Variants in GRM1 observed in about 807,000 individuals in gnomAD.
GRM1 encodes the protein metabotropic glutamate receptor 1.
In GRM1, 33 loss-of-function variants were observed where a neutral mutation model predicts 90.9. The ratio of observed to expected loss-of-function variants is 0.36; its 90% confidence interval spans 0.28 to 0.49. The LOEUF (loss-of-function observed/expected upper bound fraction) is 0.49. Ranked by LOEUF, GRM1 falls within the 20% of genes least tolerant of loss-of-function variation. The pLI is 0.99. For synonymous variants in GRM1, 700 were observed against 613.2 expected, an observed-to-expected ratio of 1.14 and a Z score of -2.09; for missense variants, 1,190 against 1,534.3, an observed-to-expected ratio of 0.78 and a Z score of 3.75.
intron 1 of GRM1, among the ~76,000 whole-genome samples, chr6:146,072,489 A>T (rs9322046): frequency 6.6e-6 from 1 of 151,958 alleles, no homozygotes; most frequent in Non-Finnish European, 1.5e-5. Flanking sequence ...GCAAGATTCC[A>T]CATCAAAAGC....
chr6:146,377,962 C>A (rs1162286278), intron 5 of GRM1, among the ~76,000 whole-genome samples: 1 of 152,146 alleles, frequency 6.6e-6, no homozygotes, highest in East Asian at 1.9e-4. Context: ...CCCTGCATCC[C>A]AGCTGTGGCT....
chr6:146,276,285 A>C (rs548196762), intron 2 of GRM1, among the ~76,000 whole-genome samples: 2 of 152,294 alleles, frequency 1.3e-5, no homozygotes, highest in Admixed American at 1.3e-4. Context: ...TAGTAATATA[A>C]ATTTATCTCT....
chr6:146,201,455 C>G (rs1019600149), intron 2 of GRM1, among the ~76,000 whole-genome samples: 1 of 152,162 alleles, frequency 6.6e-6, no homozygotes, highest in Non-Finnish European at 1.5e-5. Context: ...AAGTGCCTGC[C>G]AATTTGGTGT....
At chr6:146,319,333 T>A (rs1039457844) in intron 3 of GRM1, among the ~76,000 whole-genome samples, 2 of 152,196 alleles carry the variant, frequency 1.3e-5, no homozygotes, top group African/African-American at 2.4e-5. Flanking sequence ...TTAATATATA[T>A]GTTTTGGTAC....
intron 2 of GRM1, among the ~76,000 whole-genome samples, chr6:146,239,640 A>G (rs961133630): frequency 1.3e-5 from 2 of 152,174 alleles, no homozygotes; most frequent in Admixed American, 1.3e-4. Context: ...AAACTGTTCA[A>G]TTTAAAAATC....
intron 1 of GRM1, among the ~76,000 whole-genome samples, chr6:146,039,297 C>T (rs773874246): frequency 6.6e-6 from 1 of 151,944 alleles, no homozygotes; most frequent in Non-Finnish European, 1.5e-5. Context: ...ATCTGAAGTT[C>T]ACTATATCCG....
intron 1 of GRM1, among the ~76,000 whole-genome samples, chr6:146,144,495 C>G (rs1777015996): frequency 1.3e-5 from 2 of 152,196 alleles, no homozygotes; most frequent in Admixed American, 6.5e-5. Flanking sequence ...CCACTAGCAA[C>G]AAGGCTCTTA....
intron 2 of GRM1, among the ~76,000 whole-genome samples, chr6:146,302,729 A>T (rs974754432): frequency 6.6e-6 from 1 of 151,902 alleles, no homozygotes; most frequent in Middle Eastern, 3.2e-3. Context: ...TGTTTTCCCC[A>T]CAAGGCTGTA....
chr6:146,274,252 T>A (rs1240652485), intron 2 of GRM1, among the ~76,000 whole-genome samples: 1 of 152,198 alleles, frequency 6.6e-6, no homozygotes, highest in African/African-American at 2.4e-5. Context: ...TCTACATAAT[T>A]TTATCTAAAT....
At chr6:146,287,019 C>T (rs1022095001) in intron 2 of GRM1, among the ~76,000 whole-genome samples, 35 of 152,144 alleles carry the variant, frequency 2.3e-4, no homozygotes, top group African/African-American at 8.2e-4. Flanking sequence ...TTAGTGTGGA[C>T]AGGCAATTCA....
intron 6 of GRM1, among the ~76,000 whole-genome samples, chr6:146,397,787 C>T (rs890264498): frequency 3.9e-5 from 6 of 152,150 alleles, no homozygotes; most frequent in Admixed American, 6.5e-5. Flanking sequence ...GCTTGGCATC[C>T]AAACACATGT....
intron 1 of GRM1, among the ~76,000 whole-genome samples, chr6:146,038,014 C>T (rs560962776): frequency 6.6e-6 from 1 of 151,944 alleles, no homozygotes. Context: ...AATAAAAGTC[C>T]TTTCGCAGAG....
intron 3 of GRM1, among the ~76,000 whole-genome samples, chr6:146,333,930 A>G (rs1384659172): frequency 6.6e-6 from 1 of 152,210 alleles, no homozygotes; most frequent in Non-Finnish European, 1.5e-5. Context: ...TGAAAAAAAT[A>G]AAATGGAGTT....
At chr6:146,357,852 C>T (rs1785649571) in intron 5 of GRM1, among the ~76,000 whole-genome samples, 158 bp downstream of exon 5, 1 of 152,090 alleles carries the variant, frequency 6.6e-6, no homozygotes, top group South Asian at 2.1e-4. Context: ...ACTGAAAAGA[C>T]AAAGATTAGG....
chr6:146,276,593 A>T (rs1266471730), intron 2 of GRM1, among the ~76,000 whole-genome samples: 1 of 152,180 alleles, frequency 6.6e-6, no homozygotes, highest in Non-Finnish European at 1.5e-5. Flanking sequence ...GACAAAGAAA[A>T]AAAATTAACA....
chr6:146,171,181 C>G (rs1778109669), intron 2 of GRM1: 1 of 151,996 alleles, frequency 6.6e-6, no homozygotes. Context: ...AGTAGGGTAC[C>G]ATGTTGAAGG....
At chr6:146,120,515 C>T (rs1775941576) in intron 1 of GRM1, among the ~76,000 whole-genome samples, 1 of 152,076 alleles carries the variant, frequency 6.6e-6, no homozygotes, top group Non-Finnish European at 1.5e-5. Flanking sequence ...TGTCTTGTGC[C>T]AGTTTTCAAA....
intron 1 of GRM1, among the ~76,000 whole-genome samples, chr6:146,095,527 A>C (rs546166018): frequency 6.6e-6 from 1 of 152,236 alleles, no homozygotes; most frequent in African/African-American, 2.4e-5. Flanking sequence ...AGCTAGAAAT[A>C]GTATCTCCTT....
intron 7 of GRM1, among the ~76,000 whole-genome samples, chr6:146,420,797 C>T (rs1424933154): frequency 6.6e-6 from 1 of 151,942 alleles, no homozygotes; most frequent in Non-Finnish European, 1.5e-5. Flanking sequence ...CTCAGAGAAA[C>T]TAAATAGATG....
Sources: gnomAD v4.1 joint callset for allele counts (sites outside exome capture counted in the v4.1 genomes callset) on GRCh38, gnomAD v4.1.1 for gene constraint, MANE v1.5 for transcripts, NCBI Gene and HGNC (gene_info 2026-07-23, HGNC 2026-07-21) for gene names.